Variants in ZC4H2 observed in about 807,000 individuals in gnomAD.
ZC4H2 encodes the protein zinc finger C4H2 domain-containing protein.
For missense variants in ZC4H2, 137 were observed against 173.9 expected, an observed-to-expected ratio of 0.79 and a Z score of 1.19; for synonymous variants, 84 against 66.3, an observed-to-expected ratio of 1.27 and a Z score of -1.30.
intron 1 of ZC4H2, among the ~76,000 whole-genome samples, chrX:64,954,457 T>TA (rs1931072964): frequency 1.0e-5 from 1 of 95,415 alleles, no homozygotes; most frequent in African/African-American, 4.3e-5. Flanking sequence ...GTGCTTGCTA[T>TA]TAATCATTAT....
intron 1 of ZC4H2, among the ~76,000 whole-genome samples, chrX:64,956,364 T>G (rs1285707292): frequency 9.0e-6 from 1 of 111,334 alleles, no homozygotes; most frequent in Non-Finnish European, 1.9e-5. Context: ...ATCCTCCCAA[T>G]AGTCATAATA....
intron 1 of ZC4H2, among the ~76,000 whole-genome samples, chrX:65,003,469 C>A (rs1442783778): frequency 9.0e-6 from 1 of 111,655 alleles, no homozygotes; most frequent in Non-Finnish European, 1.9e-5. Flanking sequence ...CAAAAAAACC[C>A]TGCAAAAAAT....
In ZC4H2 at chrX:64,962,110, A is replaced by C. The variant is rs1330841156; in HGVS notation, c.53+14215T>G. ...TAAAGCTAGATGAAGATTCCACAAG[A>C]AAAGAAAACTAGAGGACACTATCTC... On this transcript the variant is annotated intron_variant, in intron 1 of 4. Coordinates refer to ENST00000374839, the MANE Select transcript of ZC4H2 (RefSeq NM_018684.4). Among the ~76,000 whole-genome samples the C allele has an allele frequency of 1.3e-4, 14 of 111,693 alleles. No homozygotes were observed. In the Admixed American group the frequency reaches 1.3e-3, roughly 11 times the overall value.
intron 1 of ZC4H2, among the ~76,000 whole-genome samples, chrX:64,966,211 T>C (rs1300865182): frequency 9.0e-6 from 1 of 111,715 alleles, no homozygotes; most frequent in African/African-American, 3.3e-5. Flanking sequence ...CTCAACAAGA[T>C]TGGTCATTAG....
At chrX:64,976,811 T>C (rs997172725), upstream of ZC4H2, among the ~76,000 whole-genome samples, 2 of 109,866 alleles carry the variant, frequency 1.8e-5, no homozygotes, top group South Asian at 4.0e-4. Flanking sequence ...AGATTAGCGG[T>C]AGTCGCTAAT....
intron 1 of ZC4H2, among the ~76,000 whole-genome samples, chrX:64,932,212 T>C (rs1314214451): frequency 9.0e-6 from 1 of 111,489 alleles, no homozygotes; most frequent in African/African-American, 3.3e-5. Context: ...GTGTGGAATA[T>C]TTTTTACCAC....
chrX:64,978,745 A>AT (rs1555946264), upstream of ZC4H2, among the ~76,000 whole-genome samples: 419 of 109,851 alleles, frequency 3.8e-3, 3 homozygotes, highest in African/African-American at 8.0e-3. Flanking sequence ...GGAAAAAAAA[A>AT]ATATATATAT....
chrX:64,999,869 C>T (rs966444351), intron 1 of ZC4H2, among the ~76,000 whole-genome samples: 3 of 112,265 alleles, frequency 2.7e-5, no homozygotes, highest in South Asian at 7.5e-4. Flanking sequence ...ACAAAGCCTC[C>T]GTAGCAAGAC....
chrX:65,017,517 T>C (rs1932805329), intron 1 of ZC4H2, among the ~76,000 whole-genome samples: 1 of 111,867 alleles, frequency 8.9e-6, no homozygotes, highest in South Asian at 3.7e-4. Context: ...ATCTATGTAC[T>C]ATGTAGAAAT....
At chrX:64,966,931 T>C (rs1340225167) in intron 1 of ZC4H2, among the ~76,000 whole-genome samples, 2 of 111,564 alleles carry the variant, frequency 1.8e-5, no homozygotes, top group Non-Finnish European at 3.8e-5. Context: ...GAAATGGATG[T>C]TTCCTATGGT....
intron 1 of ZC4H2, among the ~76,000 whole-genome samples, chrX:64,924,699 G>C (rs968895756): frequency 9.0e-6 from 1 of 111,319 alleles, no homozygotes; most frequent in Admixed American, 9.6e-5. Flanking sequence ...GGGCACACAG[G>C]AGAACAGTCC....
chrX:65,028,723 G>C (rs763202650), intron 1 of ZC4H2, among the ~76,000 whole-genome samples: 1 of 110,857 alleles, frequency 9.0e-6, no homozygotes, highest in Non-Finnish European at 1.9e-5. Flanking sequence ...GTAGAGACAG[G>C]GTTTCACCAT....
At chrX:64,960,149 C>G (rs1199548149) in intron 1 of ZC4H2, among the ~76,000 whole-genome samples, 1 of 110,642 alleles carries the variant, frequency 9.0e-6, no homozygotes, top group African/African-American at 3.3e-5. Context: ...ATATTCTAGG[C>G]TGCAGGGAAG....
At chrX:64,950,881 T>C (rs1430046553) in intron 1 of ZC4H2, among the ~76,000 whole-genome samples, 1 of 110,058 alleles carries the variant, frequency 9.1e-6, no homozygotes, top group Admixed American at 9.8e-5. Context: ...ATGTATACAT[T>C]TGCCATGCTG....
At chrX:65,004,120 G>A (rs1186046386) in intron 1 of ZC4H2, among the ~76,000 whole-genome samples, 1 of 110,551 alleles carries the variant, frequency 9.0e-6, no homozygotes, top group Non-Finnish European at 1.9e-5. Context: ...AAAAAGCCCA[G>A]GATGGATTCA....
intron 1 of ZC4H2, among the ~76,000 whole-genome samples, chrX:64,925,766 G>A (rs1929399769): frequency 8.9e-6 from 1 of 112,210 alleles, no homozygotes; most frequent in Non-Finnish European, 1.9e-5. Flanking sequence ...ACTTGACATG[G>A]AAAATCAAAG....
chrX:64,960,180 C>T (rs1286846374), intron 1 of ZC4H2, among the ~76,000 whole-genome samples: 1 of 110,856 alleles, frequency 9.0e-6, no homozygotes, highest in Non-Finnish European at 1.9e-5. Context: ...TCAGAGCCTG[C>T]TAGTCTCCTT....
chrX:65,025,942 C>T (rs1932875009), intron 1 of ZC4H2, among the ~76,000 whole-genome samples: 1 of 111,999 alleles, frequency 8.9e-6, no homozygotes, highest in East Asian at 2.8e-4. Flanking sequence ...GTCCTCTGAC[C>T]CAGCCACATA....
rs201040558 is a variant in ZC4H2 at position 64,942,024 on chromosome X, AC to A, written c.54-20037del. ...TGGCTGTGAATCCGCCTGGCCCTGGACTTTTTTTTGGTTGGTAGGCTATTAA... is the reference window on the plus strand; with the variant it reads ...TGGCTGTGAATCCGCCTGGCCCTGGATTTTTTTTGGTTGGTAGGCTATTAA... On this transcript the variant is annotated intron_variant, in intron 1 of 4. Coordinates refer to ENST00000374839, the MANE Select transcript of ZC4H2 (RefSeq NM_018684.4). 0.013 allele frequency among the ~76,000 whole-genome samples: 1,445 copies of A among 111,062 alleles called. 16 individuals carry two copies. In the Middle Eastern group the frequency reaches 0.13, roughly 10 times the overall value.
Sources: gnomAD v4.1 joint callset for allele counts (sites outside exome capture counted in the v4.1 genomes callset) on GRCh38, gnomAD v4.1.1 for gene constraint, MANE v1.5 for transcripts, NCBI Gene and HGNC (gene_info 2026-07-23, HGNC 2026-07-21) for gene names.